Variants in KCNAB2 observed in about 807,000 individuals in gnomAD.
KCNAB2 encodes the protein voltage-gated potassium channel subunit beta-2.
Under a neutral mutation model 63.6 loss-of-function variants are expected in KCNAB2, and 29 were observed. The observed-to-expected ratio is 0.46, with a 90% CI of 0.34 to 0.62. KCNAB2 has a LOEUF of 0.62. KCNAB2 is among the 20% of genes least tolerant of loss of function. KCNAB2 has a pLI of 0.01. For synonymous variants in KCNAB2, 222 were observed against 224.2 expected (o/e 0.99, Z 0.09); for missense variants, 359 against 563.9 (o/e 0.64, Z 3.68).
chr1:6,033,452 C>T (rs1659799081), upstream of KCNAB2, among the ~76,000 whole-genome samples: 1 of 150,962 alleles, frequency 6.6e-6, no homozygotes, highest in Admixed American at 6.6e-5. Flanking sequence ...CGTGTGTGTG[C>T]CTGTGCATAT....
intron 10 of KCNAB2, among the ~76,000 whole-genome samples, chr1:6,093,617 T>C (rs1349663780): frequency 1.3e-5 from 2 of 152,214 alleles, no homozygotes; most frequent in African/African-American, 2.4e-5. Context: ...CCAGGGCTCA[T>C]GGAGCCTCAA....
chr1:6,044,993 C>T (rs535015363), upstream of KCNAB2, among the ~76,000 whole-genome samples: 16 of 152,156 alleles, frequency 1.1e-4, no homozygotes, highest in Non-Finnish European at 2.1e-4. Context: ...GCAGGCCCCC[C>T]GACCAGGGCG....
At chr1:6,041,598 G>A, upstream of KCNAB2, 1 of 559,820 alleles carries the variant, frequency 1.8e-6, no homozygotes, top group Non-Finnish European at 3.2e-6. Context: ...TTGGTGTCCA[G>A]GAAACTGGCT....
At chr1:6,084,690 C>G (rs564147194) in intron 5 of KCNAB2, among the ~76,000 whole-genome samples, 33 of 152,120 alleles carry the variant, frequency 2.2e-4, no homozygotes, top group South Asian at 6.2e-4. Context: ...GTGGCAGGTG[C>G]CTGTAGTCCC....
intron 1 of KCNAB2, among the ~76,000 whole-genome samples, chr1:6,006,888 AT>A (rs1657827015): frequency 6.6e-6 from 1 of 151,726 alleles, no homozygotes; most frequent in African/African-American, 2.4e-5. Context: ...CTAAAATACA[AT>A]GATAAGAGCT....
At chr1:6,051,410 A>G (rs1661369392) in intron 1 of KCNAB2, 101 bp from the exon 2 acceptor site, 2 of 1,354,204 alleles carry the variant, frequency 1.5e-6, no homozygotes, top group Admixed American at 3.1e-5. Flanking sequence ...GCACTAGTTA[A>G]AGGATGTTTC....
intron 1 of KCNAB2, among the ~76,000 whole-genome samples, chr1:6,021,005 A>T (rs186519234): frequency 2.6e-5 from 4 of 151,918 alleles, no homozygotes; most frequent in African/African-American, 9.7e-5. Context: ...TTTCATATAT[A>T]TTTTTTGAGA....
intron 1 of KCNAB2, among the ~76,000 whole-genome samples, chr1:6,008,444 A>T (rs1319730795): frequency 6.6e-6 from 1 of 152,100 alleles, no homozygotes; most frequent in African/African-American, 2.4e-5. Context: ...AACACGGTGA[A>T]ACCCCGTCTC....
chr1:6,069,814 A>C lies in KCNAB2; in HGVS notation c.219-2941A>C, dbSNP rs1663050114. On this transcript the variant is annotated intron_variant, in intron 2 of 15. Coordinates refer to ENST00000378083, the MANE Select transcript of KCNAB2 (RefSeq NM_001199862.2). The surrounding 1 kb of genome is among the most constrained non-coding windows in gnomAD (Gnocchi z 5.4). ...AATACCATCATTTTCACAGGGAAAC[A>C]AGTTGAGCAGGGTAATTGCGGCATC... is the stretch of plus-strand genomic sequence containing the variant. Among the ~76,000 whole-genome samples, 1 of 152,206 alleles carries C rather than the reference A, an allele frequency of 6.6e-6. No individual in the cohort carries two copies. The highest frequency in any genetic ancestry group is 2.1e-4 in the South Asian group (1 of 4,826).
At chr1:6,057,045 G>A (rs948789222) in intron 2 of KCNAB2, among the ~76,000 whole-genome samples, 3 of 151,508 alleles carry the variant, frequency 2.0e-5, no homozygotes, top group African/African-American at 7.3e-5. Flanking sequence ...GTGAGTTTAG[G>A]TCGGAAGGCG....
At chr1:6,041,648 A>T (rs530445861), upstream of KCNAB2, 10 of 596,960 alleles carry the variant, frequency 1.7e-5, no homozygotes, top group Admixed American at 2.9e-4. Context: ...GCGCTGCTGC[A>T]GAGCACTTGG....
chr1:6,053,806 G>C (rs567531028), intron 2 of KCNAB2, among the ~76,000 whole-genome samples: 69 of 152,278 alleles, frequency 4.5e-4, no homozygotes, highest in African/African-American at 1.6e-3. Flanking sequence ...GTTAGGCTGG[G>C]TGTGGTGGCT....
upstream of KCNAB2, among the ~76,000 whole-genome samples, chr1:6,042,160 G>A (rs568200059): frequency 3.3e-5 from 5 of 152,308 alleles, no homozygotes; most frequent in South Asian, 2.1e-4. Context: ...CAAATCTACC[G>A]TTAAAGCTTC....
At chr1:6,002,048 C>G (rs537132646) in intron 1 of KCNAB2, among the ~76,000 whole-genome samples, 2 of 152,314 alleles carry the variant, frequency 1.3e-5, no homozygotes, top group East Asian at 3.9e-4. Flanking sequence ...GCCTGCTGTC[C>G]CCATCACCTC....
intron 2 of KCNAB2, among the ~76,000 whole-genome samples, chr1:6,056,991 C>T (rs1040822570): frequency 6.6e-6 from 1 of 151,964 alleles, no homozygotes; most frequent in African/African-American, 2.4e-5. Flanking sequence ...GCTTTGAGAT[C>T]AGAGCTTTGT....
intron 2 of KCNAB2, among the ~76,000 whole-genome samples, chr1:6,055,317 G>A (rs114069576): frequency 0.012 from 1,827 of 151,432 alleles, 32 homozygotes; most frequent in African/African-American, 0.039. Context: ...TGGGGATCTC[G>A]CTTCTCAGGG....
At chr1:6,032,826 A>G (rs935399458), upstream of KCNAB2, among the ~76,000 whole-genome samples, 6 of 152,210 alleles carry the variant, frequency 3.9e-5, no homozygotes, top group Admixed American at 1.3e-4. Context: ...CTACAATCAG[A>G]CAAATCCAAA....
intron 5 of KCNAB2, among the ~76,000 whole-genome samples, chr1:6,084,004 A>G (rs1222466552): frequency 6.6e-6 from 1 of 152,206 alleles, no homozygotes; most frequent in African/African-American, 2.4e-5. Context: ...CCAAGGAATA[A>G]AAGGAAGAGG....
intron 2 of KCNAB2, among the ~76,000 whole-genome samples, chr1:6,061,288 A>G (rs1036297547): frequency 6.6e-6 from 1 of 152,234 alleles, no homozygotes; most frequent in Non-Finnish European, 1.5e-5. Flanking sequence ...TCAACCAGCC[A>G]CGCTCCATGC....
Sources: gnomAD v4.1 joint callset for allele counts (sites outside exome capture counted in the v4.1 genomes callset) on GRCh38, gnomAD v4.1.1 for gene constraint, Gnocchi (gnomAD v3.1) non-coding constraint, MANE v1.5 for transcripts, NCBI Gene and HGNC (gene_info 2026-07-23, HGNC 2026-07-21) for gene names.